Variants in FRAS1 observed in about 807,000 individuals in gnomAD.
FRAS1 encodes extracellular matrix organizing protein FRAS1.
In FRAS1, 290 loss-of-function variants were observed where a neutral mutation model predicts 435.2. The ratio of observed to expected loss-of-function variants is 0.67; its 90% CI spans 0.61 to 0.73. The LOEUF (loss-of-function observed/expected upper bound fraction) is 0.73, where lower values mean the gene tolerates loss of function less well. Among genes scored for constraint, FRAS1 ranks in the 30% least tolerant of loss-of-function variants. The pLI is 0.00. For synonymous variants in FRAS1, 1,800 were observed against 1,851.0 expected, an observed-to-expected ratio of 0.97 and a Z score of 0.71; for missense variants, 4,860 against 5,001.5, an observed-to-expected ratio of 0.97 and a Z score of 0.85.
chr4:78,375,710 G>A (rs1731731540), intron 25 of FRAS1, 29 bp from the exon 26 acceptor site: 1 of 1,531,198 alleles, frequency 6.5e-7, no homozygotes, highest in Non-Finnish European at 8.8e-7. Context: ...CCTTGATTGA[G>A]CCTCATTTAG....
intron 20 of FRAS1, among the ~76,000 whole-genome samples, chr4:78,354,122 G>A (rs1446097680): frequency 6.6e-6 from 1 of 151,026 alleles, no homozygotes; most frequent in Admixed American, 6.6e-5. Flanking sequence ...CTAGAGCTTT[G>A]CTTTTACATT....
At chr4:78,536,846 G>A (rs1156306982) in intron 71 of FRAS1, 149 bp from the exon 72 acceptor site, 4 of 591,372 alleles carry the variant, frequency 6.8e-6, no homozygotes, top group Non-Finnish European at 1.2e-5. Flanking sequence ...AAATGAATGA[G>A]TATTTTAGGG....
At chr4:78,118,224 G>A (rs186871616) in intron 2 of FRAS1, among the ~76,000 whole-genome samples, 2 of 152,194 alleles carry the variant, frequency 1.3e-5, no homozygotes, top group Non-Finnish European at 2.9e-5. Context: ...GCCATGTGAG[G>A]TGTCAGTCTG....
At chr4:78,504,254 C>T (rs1245665427) in intron 61 of FRAS1, among the ~76,000 whole-genome samples, 1 of 152,184 alleles carries the variant, frequency 6.6e-6, no homozygotes, top group Non-Finnish European at 1.5e-5. Flanking sequence ...GAGCTAAGTT[C>T]AAGTCCTGGA....
At chr4:78,144,375 A>G (rs1282826775) in intron 2 of FRAS1, among the ~76,000 whole-genome samples, 1 of 152,104 alleles carries the variant, frequency 6.6e-6, no homozygotes, top group Non-Finnish European at 1.5e-5. Context: ...ACCAAAAAAC[A>G]TATTTCAAGG....
rs545274681 is a variant in FRAS1 at position 78,335,859 on chromosome 4, C to A, written c.2279-1815C>A. Among the ~76,000 whole-genome samples, 10 of 149,496 alleles carry A rather than the reference C, an allele frequency of 6.7e-5. No homozygotes were observed. In the South Asian group the frequency reaches 2.1e-3, roughly 32 times the overall value. ...GTACAGAATTTTGTTGGAATTGACA[C>A]AGTACTAAAATTTAAGGACTTTATT... is the stretch of plus-strand genomic sequence containing the variant. On this transcript the variant is annotated intron_variant, in intron 19 of 73. Coordinates refer to ENST00000512123, the MANE Select transcript of FRAS1 (RefSeq NM_025074.7).
intron 1 of FRAS1, among the ~76,000 whole-genome samples, chr4:78,063,980 A>G (rs1739874073): frequency 6.6e-6 from 1 of 152,046 alleles, no homozygotes; most frequent in South Asian, 2.1e-4. Flanking sequence ...TAGAAAGTGA[A>G]TTGTGTTCAT....
chr4:78,332,521 A>C (rs940917142), intron 18 of FRAS1, among the ~76,000 whole-genome samples: 3 of 152,194 alleles, frequency 2.0e-5, no homozygotes, highest in Admixed American at 2.0e-4. Context: ...GCCAAGATTT[A>C]TTAAGCCCTT....
chr4:78,511,129 A>G (rs1214270805), intron 63 of FRAS1, 145 bp from the exon 64 acceptor site: 7 of 706,756 alleles, frequency 9.9e-6, no homozygotes, highest in East Asian at 5.5e-5. Flanking sequence ...TTAAAAGTCA[A>G]TAATTACGTG....
At chr4:78,377,020 T>C (rs772926258) in intron 26 of FRAS1, among the ~76,000 whole-genome samples, 2 of 151,968 alleles carry the variant, frequency 1.3e-5, no homozygotes, top group Admixed American at 6.6e-5. Context: ...ATAGGTAACA[T>C]GTTAAGAAAT....
chr4:78,220,738 G>C (rs1452232480), intron 2 of FRAS1, among the ~76,000 whole-genome samples: 3 of 152,140 alleles, frequency 2.0e-5, no homozygotes, highest in African/African-American at 7.2e-5. Flanking sequence ...GCCTTTGATT[G>C]TACCTACTCT....
chr4:78,519,585 T>C, intron 67 of FRAS1, 104 bp downstream of exon 67: 1 of 1,362,588 alleles, frequency 7.3e-7, no homozygotes, highest in Non-Finnish European at 1.0e-6. Context: ...TCTCATCCTG[T>C]TATCCCGAAG....
chr4:78,294,909 A>T (rs1728078859), intron 14 of FRAS1, among the ~76,000 whole-genome samples: 1 of 152,188 alleles, frequency 6.6e-6, no homozygotes, highest in Non-Finnish European at 1.5e-5. Flanking sequence ...GTCAGCTAAA[A>T]TTTCTAACTC....
chr4:78,536,842 ATGAG>A, intron 71 of FRAS1, among the ~76,000 whole-genome samples, 149 bp from the exon 72 acceptor site: 1 of 152,234 alleles, frequency 6.6e-6, no homozygotes, highest in Non-Finnish European at 1.5e-5. Context: ...CAATAAATGA[ATGAG>A]TATTTTAGGG....
intron 2 of FRAS1, among the ~76,000 whole-genome samples, chr4:78,133,037 T>A (rs1397918700): frequency 6.6e-6 from 1 of 152,138 alleles, no homozygotes; most frequent in Non-Finnish European, 1.5e-5. Context: ...ATCACGCCAC[T>A]GCACTCCAGC....
At position 78,308,171 on chromosome 4, in the gene FRAS1, G is replaced by A. The variant is rs1206103622; in HGVS notation, c.1640G>A (p.Cys547Tyr). 6.2e-7 allele frequency: 1 copy of A among 1,613,876 alleles called. No individual in the cohort carries two copies. Among genetic ancestry groups the A allele is most frequent in the Non-Finnish European group, 8.5e-7 (1 of 1,179,902 alleles). The change falls in exon 15 of 74, where the codon TGT becomes TAT. Residue 547 changes from cysteine (C) to tyrosine (Y), a missense_variant. Cys to Tyr is a radical substitution (Grantham distance 194). Coordinates refer to ENST00000512123, the MANE Select transcript of FRAS1 (RefSeq NM_025074.7). ...VLRDGGCESSCGKGFYNRQGT... is the reference protein window; with the variant it reads ...VLRDGGCESSYGKGFYNRQGT... The stretch of plus-strand genomic sequence containing the variant: ...AGAGATGGCGGCTGTGAGAGCAGCT[G>A]TGGAAAAGGCTTCTACAACAGGCAG...
intron 2 of FRAS1, among the ~76,000 whole-genome samples, chr4:78,191,575 T>C (rs886636113): frequency 6.6e-6 from 1 of 151,808 alleles, no homozygotes; most frequent in African/African-American, 2.4e-5. Flanking sequence ...AGTTTTAGGG[T>C]TCGTGTGCAC....
chr4:78,230,474 C>T (rs767453137), intron 2 of FRAS1, among the ~76,000 whole-genome samples: 17 of 152,244 alleles, frequency 1.1e-4, no homozygotes, highest in African/African-American at 3.9e-4. Flanking sequence ...TATTGTTTAT[C>T]TAAGCTGTCT....
chr4:78,099,175 G>A (rs1300527095), intron 2 of FRAS1, among the ~76,000 whole-genome samples: 1 of 152,230 alleles, frequency 6.6e-6, no homozygotes, highest in Non-Finnish European at 1.5e-5. Context: ...TCGAGGAAGA[G>A]CTGGTGGCCT....
Sources: allele counts gnomAD v4.1 joint callset (sites outside exome capture counted in the v4.1 genomes callset), GRCh38; gene constraint gnomAD v4.1.1; transcripts MANE v1.5; gene names NCBI Gene and HGNC (gene_info 2026-07-23, HGNC 2026-07-21).